TAFA2: variants seen among roughly 807,000 people sequenced by gnomAD.
TAFA2 encodes the protein TAFA chemokine like family member 2.
A neutral mutation model predicts 18.8 loss-of-function variants in TAFA2; 7 were observed. The observed-to-expected ratio is 0.37, with a 90% CI of 0.21 to 0.70. TAFA2 has a LOEUF of 0.70. Ranked by LOEUF, TAFA2 falls within the 30% of genes least tolerant of loss-of-function variation. TAFA2 has a pLI of 0.53. For synonymous variants in TAFA2, 60 were observed against 54.2 expected (o/e 1.11, Z -0.47); for missense variants, 122 against 158.1 (o/e 0.77, Z 1.23).
At chr12:62,081,444 A>G (rs1259222852) in intron 1 of TAFA2, among the ~76,000 whole-genome samples, 3 of 151,466 alleles carry the variant, frequency 2.0e-5, no homozygotes, top group African/African-American at 4.9e-5. Context: ...GCAGATTCCA[A>G]TTTTTTTCTT....
chr12:62,165,937 TCTCA>T lies in TAFA2; in HGVS notation c.-2+25318_-2+25321del, dbSNP rs1232197054. On this transcript the variant is annotated intron_variant, in intron 1 of 4. Coordinates refer to ENST00000416284, the MANE Select transcript of TAFA2 (RefSeq NM_178539.5). ...CTCTCTTCCTCTCTCTCTCTCTCTC[TCTCA>T]CACACACACACACACACACACACAC... 8.8e-3 allele frequency among the ~76,000 whole-genome samples: 1,020 copies of T among 115,300 alleles called. 2 individuals are homozygous for T. The highest frequency in any genetic ancestry group is 0.015 in the African/African-American group (459 of 30,224). The allele number at this position is 115,300 out of a possible 152,430, so 75.6% of individuals were successfully genotyped here. A position where few individuals can be genotyped will look rare whatever the true frequency, so the allele number is the denominator to read the frequency against.
At chr12:61,815,455 A>G (rs1872041464) in intron 2 of TAFA2, among the ~76,000 whole-genome samples, 1 of 151,210 alleles carries the variant, frequency 6.6e-6, no homozygotes. Context: ...TCACGAGGTC[A>G]GGTGATCGAG....
chr12:61,735,863 T>C (rs1236169359), intron 4 of TAFA2, among the ~76,000 whole-genome samples: 1 of 152,028 alleles, frequency 6.6e-6, no homozygotes, highest in Non-Finnish European at 1.5e-5. Context: ...GCAAAATTAT[T>C]TGTGGAGTGA....
At chr12:61,819,253 ATACT>A (rs774970289) in intron 2 of TAFA2, among the ~76,000 whole-genome samples, 1 of 152,208 alleles carries the variant, frequency 6.6e-6, no homozygotes, top group Non-Finnish European at 1.5e-5. Context: ...TCAAAATCTG[ATACT>A]TACTTCTAAA....
chr12:62,071,459 T>C (rs961201621), intron 1 of TAFA2, among the ~76,000 whole-genome samples: 5 of 152,246 alleles, frequency 3.3e-5, no homozygotes, highest in East Asian at 1.9e-4. Context: ...GAGAGCAACA[T>C]GGTCTCATTC....
At chr12:62,025,258 G>C (rs1052304708) in intron 1 of TAFA2, among the ~76,000 whole-genome samples, 1 of 152,078 alleles carries the variant, frequency 6.6e-6, no homozygotes, top group African/African-American at 2.4e-5. Flanking sequence ...TACTAGAGGA[G>C]GGAAGGAGAG....
chr12:61,934,173 T>C (rs900439448), intron 1 of TAFA2, among the ~76,000 whole-genome samples: 3 of 152,200 alleles, frequency 2.0e-5, no homozygotes, highest in Non-Finnish European at 4.4e-5. Flanking sequence ...CTCACTATCC[T>C]GAATCCTGTT....
intron 1 of TAFA2, among the ~76,000 whole-genome samples, chr12:61,908,066 T>C (rs1213521177): frequency 1.3e-5 from 2 of 152,146 alleles, no homozygotes; most frequent in Non-Finnish European, 2.9e-5. Context: ...GATGAGACTT[T>C]GGACTGTGGA....
intron 1 of TAFA2, among the ~76,000 whole-genome samples, chr12:61,947,404 ATATGTAAC>A (rs1324473069): frequency 1.3e-5 from 2 of 151,486 alleles, no homozygotes; most frequent in African/African-American, 4.9e-5. Context: ...ACATGTATAC[ATATGTAAC>A]TAACCTGCAC....
chr12:61,816,601 G>A (rs1226193873), intron 2 of TAFA2, among the ~76,000 whole-genome samples: 1 of 151,244 alleles, frequency 6.6e-6, no homozygotes, highest in Non-Finnish European at 1.5e-5. Context: ...TCACCATACT[G>A]CTTTCAACAA....
rs1869193483 is a variant in TAFA2, at chr12:61,754,964, T to C, written c.167A>G (p.Asn56Ser). ...VVALHRCCNK[N>S]KIEERSQTVK... ...TGTTTGTGACCGTTCTTCTATCTTGTTCTTATTACAGCATCTGTGGAGTGC... is the reference window on the plus strand; with the variant it reads ...TGTTTGTGACCGTTCTTCTATCTTGCTCTTATTACAGCATCTGTGGAGTGC... The change falls in exon 3 of 5, where the codon AAC becomes AGC. Residue 56 changes from asparagine (N) to serine (S), a missense_variant. By Grantham distance (46) the Asn-to-Ser change is conservative. Coordinates refer to ENST00000416284, the MANE Select transcript of TAFA2 (RefSeq NM_178539.5). 1 of 1,612,902 alleles carries C rather than the reference T, an allele frequency of 6.2e-7. No individual in the cohort carries two copies. The highest frequency in any genetic ancestry group is 8.5e-7 in the Non-Finnish European group (1 of 1,179,438).
chr12:61,885,203 T>C (rs1332648696), intron 1 of TAFA2, among the ~76,000 whole-genome samples: 1 of 152,204 alleles, frequency 6.6e-6, no homozygotes, highest in Non-Finnish European at 1.5e-5. Flanking sequence ...TTAAGACCCA[T>C]ATCCAGGTCC....
At chr12:61,731,341 G>A (rs758913356) in intron 4 of TAFA2, among the ~76,000 whole-genome samples, 1 of 152,058 alleles carries the variant, frequency 6.6e-6, no homozygotes, top group Non-Finnish European at 1.5e-5. Context: ...TTCCTGTGGT[G>A]GTTCTTGAAG....
upstream of TAFA2, among the ~76,000 whole-genome samples, chr12:62,193,151 C>T (rs975486277): frequency 2.0e-5 from 3 of 152,102 alleles, no homozygotes; most frequent in Admixed American, 6.6e-5. Flanking sequence ...TTCTGAGGCT[C>T]ACTTCGATCA....
intron 2 of TAFA2, among the ~76,000 whole-genome samples, chr12:61,777,109 T>G (rs892180925): frequency 7.9e-5 from 12 of 151,904 alleles, no homozygotes; most frequent in African/African-American, 2.7e-4. Context: ...CAGAGTAACA[T>G]GCCCTCCTGG....
intron 2 of TAFA2, among the ~76,000 whole-genome samples, chr12:61,785,740 C>A (rs1870711495): frequency 1.3e-5 from 2 of 151,420 alleles, no homozygotes; most frequent in African/African-American, 4.8e-5. Flanking sequence ...AAATTAATGT[C>A]TTATATATAT....
intron 2 of TAFA2, among the ~76,000 whole-genome samples, chr12:61,783,539 A>T (rs1008185957): frequency 6.6e-6 from 1 of 151,640 alleles, no homozygotes; most frequent in Admixed American, 6.6e-5. Context: ...ATGGAATTGA[A>T]ATTAATGAAC....
chr12:61,718,911 G>C (rs1869775407), intron 4 of TAFA2, among the ~76,000 whole-genome samples: 1 of 152,198 alleles, frequency 6.6e-6, no homozygotes, highest in African/African-American at 2.4e-5. Flanking sequence ...GTTGGAGTTA[G>C]GGGTGAAGAA....
chr12:61,989,370 G>A (rs150407881), intron 1 of TAFA2, among the ~76,000 whole-genome samples: 266 of 151,964 alleles, frequency 1.8e-3, no homozygotes, highest in Non-Finnish European at 3.0e-3. Context: ...TTGAAAAGCT[G>A]GTCCCCCCCA....
Sources: allele counts gnomAD v4.1 joint callset (sites outside exome capture counted in the v4.1 genomes callset), GRCh38; gene constraint gnomAD v4.1.1; transcripts MANE v1.5; gene names NCBI Gene and HGNC (gene_info 2026-07-23, HGNC 2026-07-21).